Variants in MEF2C observed in about 807,000 individuals in gnomAD.
MEF2C encodes the protein myocyte-specific enhancer factor 2C.
In MEF2C, 6 loss-of-function variants were observed where a neutral mutation model predicts 50.5. The observed-to-expected ratio is 0.12, with a 90% CI of 0.07 to 0.23. The LOEUF is 0.23. Ranked by LOEUF, MEF2C falls within the 10% of genes least tolerant of loss-of-function variation. The pLI, the probability that MEF2C is intolerant of heterozygous loss-of-function variation, is 1.00. For synonymous variants in MEF2C, 183 were observed against 228.0 expected, an observed-to-expected ratio of 0.80 and a Z score of 1.78; for missense variants, 276 against 605.0, an observed-to-expected ratio of 0.46 and a Z score of 5.70.
intron 1 of MEF2C, among the ~76,000 whole-genome samples, chr5:88,847,273 G>C (rs1456162395): frequency 1.3e-5 from 2 of 152,102 alleles, no homozygotes; most frequent in Non-Finnish European, 1.5e-5. Context: ...TATTTAAATA[G>C]AATAAATCAC....
intron 6 of MEF2C, chr5:88,748,169 T>C (rs1348814886): frequency 3.1e-6 from 3 of 983,294 alleles, no homozygotes; most frequent in Admixed American, 6.1e-5. Context: ...CAATTTTCTT[T>C]ATCTTCTTTC....
intron 1 of MEF2C, among the ~76,000 whole-genome samples, chr5:88,825,176 G>C (rs1225698995): frequency 6.6e-6 from 1 of 151,734 alleles, no homozygotes; most frequent in Non-Finnish European, 1.5e-5. Flanking sequence ...AAAGTTCTTG[G>C]AACAGGAAGG....
intron 1 of MEF2C, among the ~76,000 whole-genome samples, chr5:88,856,530 G>C (rs1475859676): frequency 6.6e-6 from 1 of 152,204 alleles, no homozygotes; most frequent in African/African-American, 2.4e-5. Flanking sequence ...AGACCTTCAT[G>C]GCAGCCCTTC....
intron 3 of MEF2C, among the ~76,000 whole-genome samples, chr5:88,803,798 AAAAAT>A (rs1010425868): frequency 2.0e-5 from 3 of 152,160 alleles, no homozygotes; most frequent in Non-Finnish European, 2.9e-5. Context: ...AATGTATAAT[AAAAAT>A]AAAATAAAAT....
chr5:88,844,694 A>C (rs1158115977), intron 1 of MEF2C: 1 of 484,352 alleles, frequency 2.1e-6, no homozygotes, highest in African/African-American at 2.1e-5. Context: ...AAGTCATTCC[A>C]AAAACAACTC....
At chr5:88,819,095 T>C (rs1807012307) in intron 2 of MEF2C, among the ~76,000 whole-genome samples, 1 of 151,920 alleles carries the variant, frequency 6.6e-6, no homozygotes, top group Non-Finnish European at 1.5e-5. Context: ...AGTAACTTGC[T>C]AGAGGGTCAC....
chr5:88,806,533 C>G (rs1249493864), intron 2 of MEF2C, among the ~76,000 whole-genome samples: 1 of 152,074 alleles, frequency 6.6e-6, no homozygotes, highest in Non-Finnish European at 1.5e-5. Context: ...TTCTCCCACT[C>G]CCCACCCTCC....
chr5:88,786,094 A>G (rs1345887951), intron 3 of MEF2C, among the ~76,000 whole-genome samples: 3 of 152,114 alleles, frequency 2.0e-5, no homozygotes, highest in African/African-American at 7.2e-5. Context: ...GTTAGAAGAC[A>G]TTTGTTAGGG....
chr5:88,799,925 C>G (rs1022436420), intron 3 of MEF2C, among the ~76,000 whole-genome samples: 1 of 148,924 alleles, frequency 6.7e-6, no homozygotes, highest in Non-Finnish European at 1.5e-5. Flanking sequence ...GAGAGAGAGA[C>G]ACACATGTTC....
At chr5:88,870,145 G>C (rs1829063379) in intron 1 of MEF2C, among the ~76,000 whole-genome samples, 1 of 150,344 alleles carries the variant, frequency 6.7e-6, no homozygotes, top group South Asian at 2.1e-4. Context: ...AAAAATCTTT[G>C]GTTTATTTTA....
chr5:88,902,186 T>C (rs1240824518), intron 1 of MEF2C, among the ~76,000 whole-genome samples: 1 of 103,440 alleles, frequency 9.7e-6, no homozygotes, highest in African/African-American at 2.8e-5. Flanking sequence ...GTGCATGAAA[T>C]ACATACTAAT....
chr5:88,797,248 G>T (rs1796373867), intron 3 of MEF2C, among the ~76,000 whole-genome samples: 1 of 152,062 alleles, frequency 6.6e-6, no homozygotes, highest in African/African-American at 2.4e-5. Flanking sequence ...GACTATTATT[G>T]TGTGGGAATC....
At chr5:88,739,457 A>C (rs1765546602) in intron 6 of MEF2C, 2 of 963,272 alleles carry the variant, frequency 2.1e-6, no homozygotes, top group Non-Finnish European at 2.5e-6. Flanking sequence ...TAGTTTTTAA[A>C]GTTTTAAGAT....
chr5:88,772,927 A>G (rs1783041880), intron 3 of MEF2C: 1 of 985,332 alleles, frequency 1.0e-6, no homozygotes, highest in Non-Finnish European at 1.2e-6. Context: ...AGCTTGTGAT[A>G]TGCCATCCCA....
chr5:88,869,415 T>C (rs1211999421), intron 1 of MEF2C, among the ~76,000 whole-genome samples: 2 of 150,804 alleles, frequency 1.3e-5, no homozygotes, highest in Non-Finnish European at 3.0e-5. Context: ...AAAAGTTTAA[T>C]TTTCCTGAAC....
chr5:88,743,592 G>A, intron 6 of MEF2C: 1 of 980,768 alleles, frequency 1.0e-6, no homozygotes, highest in Non-Finnish European at 1.2e-6. Context: ...TAAATGGATT[G>A]TAAAAATATT....
At chr5:88,737,440 A>G (rs768178860) in intron 6 of MEF2C, 78 of 985,336 alleles carry the variant, frequency 7.9e-5, no homozygotes, top group Non-Finnish European at 9.0e-5. Flanking sequence ...TAAACAAGTC[A>G]GACATTTTCC....
chr5:88,870,209 A>G (rs1340542204), intron 1 of MEF2C, among the ~76,000 whole-genome samples: 1 of 152,104 alleles, frequency 6.6e-6, no homozygotes, highest in Non-Finnish European at 1.5e-5. Context: ...TCATAATTAA[A>G]GATGTTTGTG....
chr5:88,861,339 T>TACA (rs1163373172), intron 1 of MEF2C, among the ~76,000 whole-genome samples: 7 of 152,250 alleles, frequency 4.6e-5, no homozygotes, highest in Non-Finnish European at 1.0e-4. Flanking sequence ...CTGGCATTGT[T>TACA]ACTTGTTAAA....
Sources: allele counts gnomAD v4.1 joint callset (sites outside exome capture counted in the v4.1 genomes callset), GRCh38; gene constraint gnomAD v4.1.1; transcripts MANE v1.5; gene names NCBI Gene and HGNC (gene_info 2026-07-23, HGNC 2026-07-21).